ZNF280D: variants seen among roughly 807,000 people sequenced by gnomAD.
ZNF280D encodes the protein suppressor of hairy wing homolog 4.
Under a neutral mutation model 94.7 loss-of-function variants are expected in ZNF280D, and 39 were observed. The ratio of observed to expected loss-of-function variants is 0.41; its 90% confidence interval spans 0.32 to 0.54. The LOEUF (loss-of-function observed/expected upper bound fraction) is 0.54, where lower values mean the gene tolerates loss of function less well. Among genes scored for constraint, ZNF280D ranks in the 20% least tolerant of loss-of-function variants. ZNF280D has a pLI of 0.22. For synonymous variants in ZNF280D, 398 were observed against 377.6 expected (o/e 1.05, Z -0.63); for missense variants, 1,090 against 1,149.3 (o/e 0.95, Z 0.75).
In ZNF280D at chr15:56,689,049, G is replaced by T; in HGVS notation, c.772C>A (p.His258Asn). 6.3e-7 allele frequency: 1 copy of T among 1,594,762 alleles called. No individual in the cohort carries two copies. Among genetic ancestry groups the T allele is most frequent in the Non-Finnish European group, 8.5e-7 (1 of 1,172,464 alleles). Residue 258 changes from histidine (H) to asparagine (N), a missense_variant, in exon 9 of 22, where the codon CAC (histidine) becomes AAC (asparagine). Physicochemically the swap from His to Asn is moderately conservative, Grantham distance 68. Around this residue, in one of 3 missense-constraint regions of ZNF280D, gnomAD observed 386 missense variants for 372.0 expected, o/e 1.04. Coordinates refer to ENST00000267807, the MANE Select transcript of ZNF280D (RefSeq NM_017661.4). ...HFNLLDPLKN[H>N]MKYCCPDMIN... ...TTTTGAAAGAGTTTTACCTTCATGTGATTTTTCAAAGGATCCAAAAGATTG... is the reference window on the plus strand; with the variant it reads ...TTTTGAAAGAGTTTTACCTTCATGTTATTTTTCAAAGGATCCAAAAGATTG...
chr15:56,654,103 T>C (rs1407439666), intron 19 of ZNF280D, 95 bp downstream of exon 19: 1 of 1,537,460 alleles, frequency 6.5e-7, no homozygotes, highest in East Asian at 2.3e-5. Flanking sequence ...AACAACATAC[T>C]TTAATACTTT....
At chr15:56,640,279 G>A (rs1486682370) in intron 20 of ZNF280D, among the ~76,000 whole-genome samples, 2 of 151,890 alleles carry the variant, frequency 1.3e-5, no homozygotes, top group African/African-American at 2.4e-5. Flanking sequence ...TTTGTGTGTG[G>A]TGTGTTTTTG....
At position 56,642,899 on chromosome 15, in the gene ZNF280D, A is replaced by G. The variant is rs189355007; in HGVS notation, c.2259+53T>C. 5.3e-4 allele frequency: 702 copies of G among 1,316,346 alleles called. 4 individuals are homozygous for G. The highest frequency in any genetic ancestry group is 5.9e-5 in the Non-Finnish European group (59 of 991,924). The allele number at this position is 1,316,346 out of a possible 1,614,324, so 81.5% of individuals were successfully genotyped here. A position where few individuals can be genotyped will look rare whatever the true frequency, so the allele number is the denominator to read the frequency against. On this transcript the variant is annotated intron_variant, in intron 20 of 21. Coordinates refer to ENST00000267807, the MANE Select transcript of ZNF280D (RefSeq NM_017661.4). ...TGAAAAAAAATTTTATATCATACCAATAATACTTTCAAATGTATAAACCTT... is the reference window on the plus strand; with the variant it reads ...TGAAAAAAAATTTTATATCATACCAGTAATACTTTCAAATGTATAAACCTT...
chr15:56,676,389 T>C (rs1253638333), intron 13 of ZNF280D, among the ~76,000 whole-genome samples: 8 of 152,148 alleles, frequency 5.3e-5, no homozygotes, highest in Admixed American at 1.3e-4. Context: ...ATTCAATCTT[T>C]TGGATATTCC....
At chr15:56,643,925 C>A (rs1245479777) in intron 19 of ZNF280D, among the ~76,000 whole-genome samples, 1 of 151,858 alleles carries the variant, frequency 6.6e-6, no homozygotes, top group Non-Finnish European at 1.5e-5. Context: ...AGGATAGAAA[C>A]GTCAACCATC....
chr15:56,719,465 T>C lies in ZNF280D; in HGVS notation c.-85-12159A>G, dbSNP rs117822405. 4.9e-3 allele frequency among the ~76,000 whole-genome samples: 739 copies of C among 152,246 alleles called. 45 individuals carry two copies. The East Asian group carries it at 0.13, about 27-fold the overall frequency. The stretch of plus-strand genomic sequence containing the variant: ...TTTTCTGCCATGAGTGGATGCAGCC[T>C]GAGGCCCTCACCAGAAGCCAAGCAG... On this transcript the variant is annotated intron_variant, in intron 1 of 21. Transcript: ENST00000267807.
chr15:56,657,865 A>G (rs1458377516), intron 17 of ZNF280D, among the ~76,000 whole-genome samples: 6 of 152,132 alleles, frequency 3.9e-5, no homozygotes, highest in East Asian at 3.9e-4. Flanking sequence ...AATTCCAATC[A>G]TAAGTATATA....
chr15:56,723,942 A>C (rs780363805), intron 1 of ZNF280D, among the ~76,000 whole-genome samples: 1 of 152,166 alleles, frequency 6.6e-6, no homozygotes, highest in Admixed American at 6.5e-5. Flanking sequence ...AACCCTTTAC[A>C]TTAGCCTGTG....
intron 16 of ZNF280D, among the ~76,000 whole-genome samples, chr15:56,660,913 T>C (rs2053896576): frequency 1.3e-5 from 2 of 151,148 alleles, no homozygotes; most frequent in African/African-American, 2.4e-5. Flanking sequence ...GACATTAGAC[T>C]AGAGGCCGAT....
At chr15:56,717,520 A>T (rs1389555492) in intron 1 of ZNF280D, among the ~76,000 whole-genome samples, 2 of 152,124 alleles carry the variant, frequency 1.3e-5, no homozygotes, top group South Asian at 2.1e-4. Context: ...GAGCTTTAAC[A>T]TCACTTCATT....
rs2052289222 is a variant in ZNF280D at position 56,635,187 on chromosome 15, A to G, written c.2315+8T>C. The G allele has an allele frequency of 6.5e-7, 1 of 1,528,622 alleles. No homozygotes were observed. Among genetic ancestry groups the G allele is most frequent in the East Asian group, 2.5e-5 (1 of 40,602 alleles). 94.7% of individuals were successfully genotyped at this position (1,528,622 alleles called of 1,614,324 possible). Reference sequence around the variant, plus strand: ...ATTTTATGAAATTCAGTTTTTCCTTATATTTACCTTTCAGAATTTGATGTT... The same window carrying G: ...ATTTTATGAAATTCAGTTTTTCCTTGTATTTACCTTTCAGAATTTGATGTT... On this transcript the variant is annotated splice_region_variant and intron_variant, in intron 21 of 21. Transcript: ENST00000267807.
intron 6 of ZNF280D, chr15:56,700,243 G>T: frequency 1.1e-6 from 1 of 886,552 alleles, no homozygotes; most frequent in Non-Finnish European, 1.4e-6. Context: ...GGTTAGGCTG[G>T]ATTGAAATCC....
intron 13 of ZNF280D, among the ~76,000 whole-genome samples, chr15:56,671,785 T>C (rs1482056226): frequency 1.3e-5 from 2 of 152,208 alleles, no homozygotes; most frequent in Non-Finnish European, 2.9e-5. Flanking sequence ...ATTTTCATGA[T>C]ATTGATTCTT....
intron 19 of ZNF280D, among the ~76,000 whole-genome samples, chr15:56,644,712 T>A (rs1194161659): frequency 6.6e-6 from 1 of 152,142 alleles, no homozygotes; most frequent in Admixed American, 6.5e-5. Flanking sequence ...GCTATTAAAA[T>A]GAGCCCCGTT....
intron 19 of ZNF280D, among the ~76,000 whole-genome samples, chr15:56,643,482 G>T (rs1225346850): frequency 6.6e-6 from 1 of 151,520 alleles, no homozygotes; most frequent in African/African-American, 2.4e-5. Flanking sequence ...TACTCTGGAG[G>T]CAGTAAAATC....
chr15:56,687,327 T>C (rs1289517441), intron 9 of ZNF280D, among the ~76,000 whole-genome samples: 1 of 152,158 alleles, frequency 6.6e-6, no homozygotes, highest in African/African-American at 2.4e-5. Flanking sequence ...GTTTCTACTG[T>C]AAGTAATTAC....
At chr15:56,686,206 T>C (rs1161646524) in intron 9 of ZNF280D, among the ~76,000 whole-genome samples, 3 of 152,208 alleles carry the variant, frequency 2.0e-5, no homozygotes, top group African/African-American at 7.2e-5. Flanking sequence ...TGGTGCCATC[T>C]CGGCTCACTG....
chr15:56,690,297 G>A (rs1485473244), intron 7 of ZNF280D, among the ~76,000 whole-genome samples: 20 of 152,094 alleles, frequency 1.3e-4, no homozygotes, highest in African/African-American at 4.8e-4. Context: ...CAGGAGAATG[G>A]CATGAACCTG....
chr15:56,709,056 T>C (rs1462799687), intron 1 of ZNF280D, among the ~76,000 whole-genome samples: 11 of 152,082 alleles, frequency 7.2e-5, no homozygotes, highest in African/African-American at 2.4e-4. Flanking sequence ...GAAACTACCA[T>C]CAGAGTGAAC....
Sources: gnomAD v4.1 joint callset for allele counts (sites outside exome capture counted in the v4.1 genomes callset) on GRCh38, gnomAD v4.1.1 for gene constraint, gnomAD v4.1.1 regional missense constraint, MANE v1.5 for transcripts, NCBI Gene and HGNC (gene_info 2026-07-23, HGNC 2026-07-21) for gene names.